PCDHA13: variants seen among roughly 807,000 people sequenced by gnomAD.
PCDHA13 encodes protocadherin alpha 13, also known as protocadherin alpha-13.
PCDHA13 carries 54 observed loss-of-function variants against 64.8 expected under a neutral mutation model. The ratio of observed to expected loss-of-function variants is 0.83; its 90% confidence interval spans 0.67 to 1.04. The LOEUF (loss-of-function observed/expected upper bound fraction) is 1.04. Ranked by LOEUF, PCDHA13 falls within the 50% of genes least tolerant of loss-of-function variation. The pLI, the probability that PCDHA13 is intolerant of heterozygous loss-of-function variation, is 0.00. For missense variants in PCDHA13, 1,248 were observed against 1,254.3 expected (o/e 0.99, Z 0.08); for synonymous variants, 587 against 564.4 (o/e 1.04, Z -0.57).
intron 1 of PCDHA13, among the ~76,000 whole-genome samples, chr5:140,947,749 T>TC (rs1316656181): frequency 6.6e-6 from 1 of 151,628 alleles, no homozygotes; most frequent in Non-Finnish European, 1.5e-5. Flanking sequence ...TCTTATGTAT[T>TC]TTATGGTTTA....
chr5:140,928,719 T>C (rs1554206226), intron 1 of PCDHA13: 31 of 1,614,044 alleles, frequency 1.9e-5, no homozygotes, highest in Non-Finnish European at 2.5e-5. Flanking sequence ...CTAGTCTCTT[T>C]AGAATTTCAG....
intron 1 of PCDHA13, among the ~76,000 whole-genome samples, chr5:140,950,804 A>G (rs1360919239): frequency 6.6e-6 from 1 of 152,090 alleles, no homozygotes; most frequent in African/African-American, 2.4e-5. Context: ...GTCTGGTTTT[A>G]CCATAGTAGG....
At chr5:140,984,634 C>G (rs540344154) in intron 3 of PCDHA13, among the ~76,000 whole-genome samples, 4 of 152,298 alleles carry the variant, frequency 2.6e-5, no homozygotes, top group African/African-American at 9.6e-5. Context: ...AAGGGATTCT[C>G]TGCCTTCTCC....
intron 1 of PCDHA13, among the ~76,000 whole-genome samples, chr5:140,965,088 G>A (rs1390840466): frequency 4.6e-5 from 7 of 152,196 alleles, no homozygotes; most frequent in Non-Finnish European, 8.8e-5. Context: ...CTTTGTTCCA[G>A]TCCATAGCTA....
chr5:140,986,737 G>A (rs1183806071), intron 3 of PCDHA13, among the ~76,000 whole-genome samples: 1 of 152,192 alleles, frequency 6.6e-6, no homozygotes, highest in African/African-American at 2.4e-5. Flanking sequence ...CAAGACCCCA[G>A]GGGATCTGGG....
chr5:140,911,502 G>A (rs911736161), intron 1 of PCDHA13, among the ~76,000 whole-genome samples: 4 of 152,104 alleles, frequency 2.6e-5, no homozygotes, highest in Admixed American at 1.3e-4. Flanking sequence ...CAGGTTTGAG[G>A]TTCAGTATCT....
chr5:140,886,458 T>G (rs888629917), intron 1 of PCDHA13, among the ~76,000 whole-genome samples: 1 of 152,174 alleles, frequency 6.6e-6, no homozygotes, highest in Non-Finnish European at 1.5e-5. Flanking sequence ...TTGTCATATA[T>G]AAATGTTTTT....
At chr5:140,940,873 A>G (rs541083185) in intron 1 of PCDHA13, among the ~76,000 whole-genome samples, 10 of 152,352 alleles carry the variant, frequency 6.6e-5, no homozygotes, top group African/African-American at 2.4e-4. Context: ...CAGTGAGTGA[A>G]TACTACTGCT....
intron 1 of PCDHA13, chr5:140,969,580 AT>A: frequency 2.2e-6 from 2 of 914,646 alleles, no homozygotes; most frequent in Non-Finnish European, 3.2e-6. Flanking sequence ...AGAAGTGAGG[AT>A]TAGTCTTAAT....
chr5:140,902,866 C>T (rs1449193268), intron 1 of PCDHA13, among the ~76,000 whole-genome samples: 1 of 152,186 alleles, frequency 6.6e-6, no homozygotes, highest in Non-Finnish European at 1.5e-5. Context: ...TCCAGGTCCA[C>T]CCAAGCTGCT....
At chr5:140,978,485 A>G (rs992352505) in intron 1 of PCDHA13, among the ~76,000 whole-genome samples, 2 of 152,264 alleles carry the variant, frequency 1.3e-5, no homozygotes, top group Admixed American at 1.3e-4. Flanking sequence ...CAGTCTGCAA[A>G]GCCAGCAGCA....
rs251380 is a variant in PCDHA13, at chr5:140,883,705, T to G, written c.1437T>G (p.Ala479=). ...GCTGCCACATCTTCACGGTGTCTGCTCAGGACGCGGACGCACAGGAGAACG... is the reference window on the plus strand; with the variant it reads ...GCTGCCACATCTTCACGGTGTCTGCGCAGGACGCGGACGCACAGGAGAACG... ...PPGCHIFTVS[A]QDADAQENAL... is the part of the protein sequence containing the mutation. The change falls in exon 1 of 4, where the codon GCT becomes GCG. Residue 479 remains alanine, a synonymous_variant. Coordinates refer to ENST00000289272, the MANE Select transcript of PCDHA13 (RefSeq NM_018904.3). 0.66 allele frequency: 1,065,865 copies of G among 1,613,504 alleles called. 353,266 individuals are homozygous for G. Among genetic ancestry groups the G allele is most frequent in the Middle Eastern group, 0.71 (4,198 of 5,882 alleles).
At position 141,003,456 on chromosome 5, in the gene PCDHA13, C is replaced by T. The variant is rs187279966; in HGVS notation, c.2543-6171C>T. Among the ~76,000 whole-genome samples the T allele has an allele frequency of 1.2e-3, 188 of 152,136 alleles. 1 individual carries two copies. The highest frequency in any genetic ancestry group is 4.1e-3 in the African/African-American group (172 of 41,508). On this transcript the variant is annotated intron_variant, in intron 3 of 3. Transcript: ENST00000289272. ...CCTCCCAAGTAGATGAAATTACAGGCGTGCACCACCACAGTCTCGCTAATT... is the reference window on the plus strand; with the variant it reads ...CCTCCCAAGTAGATGAAATTACAGGTGTGCACCACCACAGTCTCGCTAATT...
chr5:140,904,613 T>C (rs1554191625), intron 1 of PCDHA13, among the ~76,000 whole-genome samples: 2 of 152,112 alleles, frequency 1.3e-5, no homozygotes, highest in African/African-American at 2.4e-5. Context: ...ATAGTAGTTT[T>C]ACTTTTAGTT....
chr5:140,949,012 A>G (rs1029892336), intron 1 of PCDHA13, among the ~76,000 whole-genome samples: 11 of 151,632 alleles, frequency 7.3e-5, no homozygotes, highest in African/African-American at 2.7e-4. Flanking sequence ...TTTATATGTG[A>G]TGTTTTTATT....
intron 1 of PCDHA13, chr5:140,968,553 G>A (rs782583876): frequency 4.3e-6 from 7 of 1,614,132 alleles, no homozygotes; most frequent in South Asian, 2.2e-5. Context: ...ATGGTGCCTC[G>A]AACTGCCCCT....
intron 3 of PCDHA13, among the ~76,000 whole-genome samples, chr5:140,997,684 G>A (rs2097780776): frequency 6.6e-6 from 1 of 152,116 alleles, no homozygotes; most frequent in African/African-American, 2.4e-5. Context: ...GTGTGTGTGT[G>A]TGTGTGTGTG....
At chr5:140,917,157 G>A (rs77234668) in intron 1 of PCDHA13, among the ~76,000 whole-genome samples, 2,784 of 152,240 alleles carry the variant, frequency 0.018, 84 homozygotes, top group African/African-American at 0.063. Context: ...TGGGGGATAT[G>A]GGAGGGGTGA....
chr5:140,975,686 A>G (rs558112597), intron 1 of PCDHA13, among the ~76,000 whole-genome samples: 1 of 152,328 alleles, frequency 6.6e-6, no homozygotes, highest in East Asian at 1.9e-4. Flanking sequence ...AAAATAGGGT[A>G]TTTTAAACTT....
Sources: gnomAD v4.1 joint callset for allele counts (sites outside exome capture counted in the v4.1 genomes callset) on GRCh38, gnomAD v4.1.1 for gene constraint, MANE v1.5 for transcripts, NCBI Gene and HGNC (gene_info 2026-07-23, HGNC 2026-07-21) for gene names.